PCDHGB1: variants seen among roughly 807,000 people sequenced by gnomAD.
The protein encoded by PCDHGB1 is protocadherin gamma subfamily B, 1.
In PCDHGB1, 34 loss-of-function variants were observed where a neutral mutation model predicts 56.6. That is an observed-to-expected ratio of 0.60 (90% CI 0.46 to 0.80). PCDHGB1 has a LOEUF of 0.80. Among genes scored for constraint, PCDHGB1 ranks in the 30% least tolerant of loss-of-function variants. The pLI is 0.00. For missense variants in PCDHGB1, 1,278 were observed against 1,204.6 expected (o/e 1.06, Z -0.90); for synonymous variants, 561 against 505.9 (o/e 1.11, Z -1.46).
intron 1 of PCDHGB1, among the ~76,000 whole-genome samples, chr5:141,436,677 G>T (rs966497986): frequency 2.2e-4 from 33 of 152,278 alleles, no homozygotes; most frequent in Non-Finnish European, 2.9e-5. Flanking sequence ...CCAAAAAAAG[G>T]ATTTATATTT....
At position 141,412,100 on chromosome 5, in the gene PCDHGB1, C is replaced by T. The variant is rs1041242156; in HGVS notation, c.2409+59431C>T. On this transcript the variant is annotated intron_variant, in intron 1 of 3. Coordinates refer to ENST00000523390, the MANE Select transcript of PCDHGB1 (RefSeq NM_018922.3). ...TTGCTACTGGGTTGATGGGCACACA[C>T]AGTTGAAGATATGTGAACCACTGGA... The T allele has an allele frequency of 2.0e-5, 3 of 152,180 alleles. No homozygotes were observed. In the South Asian group the frequency reaches 6.2e-4, roughly 31 times the overall value. 9.4% of individuals were successfully genotyped at this position (152,180 alleles called of 1,614,324 possible).
chr5:141,370,405 G>T, intron 1 of PCDHGB1: 3 of 1,559,818 alleles, frequency 1.9e-6, no homozygotes, highest in Non-Finnish European at 2.6e-6. Flanking sequence ...ATGGGAAATA[G>T]CTCCGGATGG....
intron 1 of PCDHGB1, chr5:141,384,519 G>A (rs769300299): frequency 1.9e-6 from 3 of 1,614,220 alleles, no homozygotes; most frequent in Non-Finnish European, 2.5e-6. Flanking sequence ...GCGGGGACCC[G>A]CCTCTCAGCA....
intron 1 of PCDHGB1, chr5:141,410,157 C>T: frequency 6.2e-7 from 1 of 1,613,546 alleles, no homozygotes; most frequent in Non-Finnish European, 8.5e-7. Context: ...GGTGGACAGC[C>T]GCCACTCTCT....
At chr5:141,422,375 T>G (rs2096644332) in intron 1 of PCDHGB1, 3 of 1,570,696 alleles carry the variant, frequency 1.9e-6, no homozygotes, top group Admixed American at 1.9e-5. Flanking sequence ...AATGGTCAAG[T>G]CTCCTGTTTT....
chr5:141,411,193 AAAAC>A (rs1267742802), intron 1 of PCDHGB1: 2 of 152,212 alleles, frequency 1.3e-5, no homozygotes, highest in African/African-American at 4.8e-5. Flanking sequence ...GGCATCTAAG[AAAAC>A]AAACAAGTAA....
rs575250872 is a variant in PCDHGB1, at chr5:141,490,163, T to C, written c.2410-4644T>C. ...GGGGCAATCCATGTGTTGGGTCCCA[T>C]AGACTTTGAGGAGTCACGTTTCTAT... On this transcript the variant is annotated intron_variant, in intron 1 of 3. Transcript: ENST00000523390. This position sits in a 1 kb window ranked among gnomAD's most constrained non-coding sequence, Gnocchi z 5.4. 2 of 1,614,234 alleles carry C rather than the reference T, an allele frequency of 1.2e-6. No homozygotes were observed. The highest frequency in any genetic ancestry group is 2.2e-5 in the East Asian group (1 of 44,886).
At position 141,366,426 on chromosome 5, in the gene PCDHGB1, C is replaced by T. The variant is rs764011656; in HGVS notation, c.2409+13757C>T. On this transcript the variant is annotated intron_variant, in intron 1 of 3. Transcript: ENST00000523390. ...CTCTATCTTGTGGTGGCAGTGGCTG[C>T]AGTCTCCTGCGTCTTCCTGGCCTTC... 1.7e-5 allele frequency: 27 copies of T among 1,613,942 alleles called. No homozygotes were observed. Among genetic ancestry groups the T allele is most frequent in the Middle Eastern group, 1.6e-4 (1 of 6,084 alleles).
intron 1 of PCDHGB1, among the ~76,000 whole-genome samples, chr5:141,473,017 AGAAG>A (rs1484773075): frequency 7.0e-4 from 107 of 151,874 alleles, no homozygotes; most frequent in Middle Eastern, 3.4e-3. Flanking sequence ...AGAAAAAGAA[AGAAG>A]GAAGGAAGGA....
At chr5:141,375,718 C>T in intron 1 of PCDHGB1, 2 of 1,614,270 alleles carry the variant, frequency 1.2e-6, no homozygotes, top group African/African-American at 1.3e-5. Context: ...TTAGCAGCAA[C>T]GTGTCACTGA....
rs757876687 is a variant in PCDHGB1 at position 141,413,273 on chromosome 5, G to A, written c.2409+60604G>A. On this transcript the variant is annotated intron_variant, in intron 1 of 3. Coordinates refer to ENST00000523390, the MANE Select transcript of PCDHGB1 (RefSeq NM_018922.3). The stretch of plus-strand genomic sequence containing the variant: ...GGGATTCCATGGGAGGCTGGAGCCC[G>A]GCAGATCTCCTACTCAATTCCTGAG... 4.3e-6 allele frequency: 7 copies of A among 1,613,920 alleles called. No homozygotes were observed. The highest frequency in any genetic ancestry group is 5.9e-6 in the Non-Finnish European group (7 of 1,179,902).
rs2233600 is a variant in PCDHGB1, at chr5:141,489,134, A to C, written c.2410-5673A>C. 9,827 of 731,232 alleles carry C rather than the reference A, an allele frequency of 0.013. 1,099 individuals are homozygous for C. The East Asian group carries it at 0.25, about 19-fold the overall frequency. The allele number at this position is 731,232 out of a possible 1,614,324, so 45.3% of individuals were successfully genotyped here. A position where few individuals can be genotyped will look rare whatever the true frequency, so the allele number is the denominator to read the frequency against. Reference sequence around the variant, plus strand: ...GGCAAACCTCCGAGCAGTTTTTAAGAGGCTGGAAGGAGACATAAGAGACTT... The same window carrying C: ...GGCAAACCTCCGAGCAGTTTTTAAGCGGCTGGAAGGAGACATAAGAGACTT... On this transcript the variant is annotated intron_variant, in intron 1 of 3. Transcript: ENST00000523390. The surrounding 1 kb of genome is among the most constrained non-coding windows in gnomAD (Gnocchi z 4.5).
At chr5:141,463,412 A>G (rs1397215687) in intron 1 of PCDHGB1, among the ~76,000 whole-genome samples, 9 of 127,856 alleles carry the variant, frequency 7.0e-5, no homozygotes, top group Non-Finnish European at 1.5e-4. Flanking sequence ...TGGAGATCCT[A>G]GTTTGCGGAT....
intron 1 of PCDHGB1, chr5:141,370,878 G>C (rs906619365): frequency 3.7e-6 from 6 of 1,613,918 alleles, no homozygotes; most frequent in Non-Finnish European, 5.1e-6. Flanking sequence ...AGATCCTGAT[G>C]TAGGTGTCAA....
At chr5:141,504,483 AGGCACC>A (rs2099838618) in intron 2 of PCDHGB1, among the ~76,000 whole-genome samples, 1 of 151,954 alleles carries the variant, frequency 6.6e-6, no homozygotes, top group Non-Finnish European at 1.5e-5. Flanking sequence ...AGTACAGTGG[AGGCACC>A]TGCCCAGTCT....
chr5:141,360,791 A>T, intron 1 of PCDHGB1: 2 of 1,613,920 alleles, frequency 1.2e-6, no homozygotes, highest in East Asian at 4.5e-5. Context: ...GATGGCGGAG[A>T]CCCACCTCAA....
At position 141,376,180 on chromosome 5, in the gene PCDHGB1, G is replaced by C. The variant is rs113596971; in HGVS notation, c.2409+23511G>C. On this transcript the variant is annotated intron_variant, in intron 1 of 3. Transcript: ENST00000523390. Reference sequence around the variant, plus strand: ...TGTACCTGGTGGTGGCGGTGGCCGCGGTCTCCTGCGTCTTCCTGGCCTTCG... The same window carrying C: ...TGTACCTGGTGGTGGCGGTGGCCGCCGTCTCCTGCGTCTTCCTGGCCTTCG... The C allele has an allele frequency of 1.9e-3, 3,099 of 1,614,100 alleles. 61 individuals are homozygous for C. The African/African-American group carries it at 0.034, about 18-fold the overall frequency.
chr5:141,357,646 T>C (rs763198848), intron 1 of PCDHGB1: 3 of 1,610,622 alleles, frequency 1.9e-6, no homozygotes, highest in Non-Finnish European at 2.5e-6. Flanking sequence ...TAATAGATCA[T>C]ACCACACTGA....
chr5:141,421,527 GTCC>G (rs2096581302), intron 1 of PCDHGB1: 1 of 1,614,050 alleles, frequency 6.2e-7, no homozygotes, highest in African/African-American at 1.3e-5. Flanking sequence ...GTGAGACGGT[GTCC>G]TCCTGTTTTT....
Sources: gnomAD v4.1 joint callset for allele counts (sites outside exome capture counted in the v4.1 genomes callset) on GRCh38, gnomAD v4.1.1 for gene constraint, Gnocchi (gnomAD v3.1) non-coding constraint, MANE v1.5 for transcripts, NCBI Gene and HGNC (gene_info 2026-07-23, HGNC 2026-07-21) for gene names.